Variants in XIRP2 observed in about 807,000 individuals in gnomAD.
XIRP2 encodes the protein xin actin-binding repeat-containing protein 2.
In XIRP2, 236 loss-of-function variants were observed where a neutral mutation model predicts 277.0. The ratio of observed to expected loss-of-function variants is 0.85; its 90% CI spans 0.77 to 0.95. The LOEUF is 0.95. Among genes scored for constraint, XIRP2 ranks in the 40% least tolerant of loss-of-function variants. The pLI is 0.00. For missense variants in XIRP2, 4,640 were observed against 4,157.5 expected (o/e 1.12, Z -3.19); for synonymous variants, 1,490 against 1,416.5 (o/e 1.05, Z -1.17).
At chr2:166,917,502 GA>G (rs1295860010) in intron 2 of XIRP2, among the ~76,000 whole-genome samples, 1 of 152,046 alleles carries the variant, frequency 6.6e-6, no homozygotes, top group East Asian at 1.9e-4. Flanking sequence ...GTTAGAAAAA[GA>G]AATAGCTGGC....
At chr2:166,986,315 A>T (rs1314030031) in intron 2 of XIRP2, among the ~76,000 whole-genome samples, 1 of 152,186 alleles carries the variant, frequency 6.6e-6, no homozygotes, top group Non-Finnish European at 1.5e-5. Flanking sequence ...CATAATTAAC[A>T]TCTCAAAATC....
chr2:167,010,344 T>C (rs1433425406), intron 2 of XIRP2, among the ~76,000 whole-genome samples: 2 of 151,612 alleles, frequency 1.3e-5, no homozygotes, highest in African/African-American at 4.8e-5. Flanking sequence ...CCCCATTGCT[T>C]GTTTTTCTCA....
At chr2:167,152,975 G>A (rs148554343) in intron 3 of XIRP2, among the ~76,000 whole-genome samples, 7 of 151,938 alleles carry the variant, frequency 4.6e-5, no homozygotes, top group South Asian at 4.1e-4. Flanking sequence ...CCCCTATTTC[G>A]CAGGCAACCT....
At chr2:166,907,720 C>T (rs1186999515) in intron 2 of XIRP2, among the ~76,000 whole-genome samples, 5 of 151,072 alleles carry the variant, frequency 3.3e-5, no homozygotes, top group Non-Finnish European at 7.4e-5. Context: ...CTCATTAACT[C>T]GTCATTTACA....
At chr2:167,087,113 G>A (rs1169147535) in intron 2 of XIRP2, among the ~76,000 whole-genome samples, 2 of 152,046 alleles carry the variant, frequency 1.3e-5, no homozygotes, top group Non-Finnish European at 1.5e-5. Flanking sequence ...ATGTACACAT[G>A]GGTTTTTGGT....
intron 5 of XIRP2, among the ~76,000 whole-genome samples, chr2:167,236,787 G>T (rs1694913081): frequency 6.6e-6 from 1 of 152,050 alleles, no homozygotes; most frequent in Non-Finnish European, 1.5e-5. Flanking sequence ...TGAATTATTG[G>T]TGTGAATTTA....
intron 5 of XIRP2, among the ~76,000 whole-genome samples, chr2:167,226,717 G>A (rs1386656099): frequency 6.6e-6 from 1 of 152,040 alleles, no homozygotes; most frequent in Non-Finnish European, 1.5e-5. Context: ...GGCTTCTTTG[G>A]GTTATGCTAC....
chr2:167,240,082 A>G, intron 6 of XIRP2, 117 bp downstream of exon 6: 1 of 876,046 alleles, frequency 1.1e-6, no homozygotes, highest in South Asian at 2.5e-5. Context: ...AATACCTATC[A>G]GTGTTTCTTT....
chr2:167,017,945 G>T (rs1687877084), intron 2 of XIRP2, among the ~76,000 whole-genome samples: 1 of 151,946 alleles, frequency 6.6e-6, no homozygotes, highest in Non-Finnish European at 1.5e-5. Context: ...GACATCTCTT[G>T]AGTTCAATGA....
chr2:166,942,231 C>A (rs1685739555), intron 2 of XIRP2, among the ~76,000 whole-genome samples: 2 of 152,140 alleles, frequency 1.3e-5, no homozygotes, highest in Admixed American at 1.3e-4. Context: ...CATGTAACTA[C>A]CCTGACTCAG....
At chr2:166,982,783 T>G (rs1288084831) in intron 2 of XIRP2, among the ~76,000 whole-genome samples, 2 of 152,230 alleles carry the variant, frequency 1.3e-5, no homozygotes, top group Non-Finnish European at 2.9e-5. Flanking sequence ...TTAAAATCCA[T>G]GCACGCAAAT....
At chr2:167,058,477 A>T (rs1390140621) in intron 2 of XIRP2, among the ~76,000 whole-genome samples, 1 of 152,106 alleles carries the variant, frequency 6.6e-6, no homozygotes, top group African/African-American at 2.4e-5. Context: ...TGATTTTGTG[A>T]TTTGACTGGC....
At chr2:167,104,271 G>A (rs60119700) in intron 2 of XIRP2, among the ~76,000 whole-genome samples, 2,644 of 152,024 alleles carry the variant, frequency 0.017, 80 homozygotes, top group African/African-American at 0.061. Flanking sequence ...TTTAAAATAA[G>A]CATGCACAAA....
Position 167,244,430 on chromosome 2 carries a change from A to G in XIRP2, c.3038A>G (p.Asp1013Gly), listed in dbSNP as rs764048013. The G allele has an allele frequency of 3.1e-6, 5 of 1,613,810 alleles. No individual in the cohort carries two copies. The Admixed American group carries it at 8.3e-5, about 27-fold the overall frequency. ...TVQQEEIVRG[D>G]VRSCRWLFET... The stretch of plus-strand genomic sequence containing the variant: ...CAGCAAGAAGAAATCGTAAGAGGTG[A>G]TGTAAGAAGCTGTAGGTGGCTTTTT... The change falls in exon 9 of 11, where the codon GAT (aspartate) becomes GGT (glycine). Residue 1013 changes from aspartate (D) to glycine (G), a missense_variant. By Grantham distance (94) the Asp-to-Gly change is moderately conservative. Coordinates refer to ENST00000409195, the MANE Select transcript of XIRP2 (RefSeq NM_152381.6).
intron 1 of XIRP2, among the ~76,000 whole-genome samples, chr2:166,895,644 A>G (rs1272380877): frequency 6.6e-6 from 1 of 152,186 alleles, no homozygotes; most frequent in East Asian, 1.9e-4. Context: ...TTTCAGCTGA[A>G]TCTTTTTAAA....
At chr2:167,130,116 C>T (rs1691331471) in intron 2 of XIRP2, among the ~76,000 whole-genome samples, 1 of 152,004 alleles carries the variant, frequency 6.6e-6, no homozygotes, top group Non-Finnish European at 1.5e-5. Context: ...ATACTTCTGT[C>T]ACCTTCTTGC....
At chr2:167,135,854 C>T (rs370372513) in intron 2 of XIRP2, 55 bp from the exon 3 acceptor site, 63 of 1,448,134 alleles carry the variant, frequency 4.4e-5, no homozygotes, top group East Asian at 4.3e-4. Flanking sequence ...CTAAAAAACA[C>T]ATCTGTTTCC....
intron 2 of XIRP2, among the ~76,000 whole-genome samples, chr2:167,070,017 A>G (rs1689400322): frequency 1.3e-5 from 2 of 152,082 alleles, no homozygotes; most frequent in South Asian, 4.1e-4. Flanking sequence ...CTACATTCCA[A>G]TCATGTCTCA....
intron 2 of XIRP2, among the ~76,000 whole-genome samples, chr2:166,975,466 C>T (rs771955314): frequency 6.6e-6 from 1 of 151,664 alleles, no homozygotes; most frequent in Non-Finnish European, 1.5e-5. Flanking sequence ...TCCAGCCTGG[C>T]GATAGAGCGA....
Sources: allele counts gnomAD v4.1 joint callset (sites outside exome capture counted in the v4.1 genomes callset), GRCh38; gene constraint gnomAD v4.1.1; transcripts MANE v1.5; gene names NCBI Gene and HGNC (gene_info 2026-07-23, HGNC 2026-07-21).